The following ERC1 variants were observed in gnomAD, a reference collection of about 807,000 sequenced individuals.
ERC1 encodes ELKS/RAB6-interacting/CAST family member 1, also known as RAB6 interacting protein 2.
A neutral mutation model predicts 132.0 loss-of-function variants in ERC1; 56 were observed. That is an observed-to-expected ratio of 0.42 (90% CI 0.34 to 0.53). The LOEUF (loss-of-function observed/expected upper bound fraction) is 0.53, where lower values mean the gene tolerates loss of function less well. Among genes scored for constraint, ERC1 ranks in the 20% least tolerant of loss-of-function variants. ERC1 has a pLI of 0.03. For missense variants in ERC1, 1,202 were observed against 1,349.9 expected (o/e 0.89, Z 1.72); for synonymous variants, 478 against 476.1 (o/e 1.00, Z -0.05).
chr12:1,345,214 T>G (rs1191597187), intron 15 of ERC1, among the ~76,000 whole-genome samples: 1 of 115,532 alleles, frequency 8.7e-6, no homozygotes, highest in Non-Finnish European at 1.8e-5. Context: ...GGAGTCTCAC[T>G]CTGTCGCCCA....
chr12:1,025,794 G>GTTTTTTTTTTTTTT (rs1172351394), intron 1 of ERC1, among the ~76,000 whole-genome samples: 1 of 127,608 alleles, frequency 7.8e-6, no homozygotes, highest in African/African-American at 3.0e-5. Flanking sequence ...AAAAAGGAAA[G>GTTTTTTTTTTTTTT]TTTTTTTTTT....
chr12:1,131,255 G>A (rs998022317), intron 7 of ERC1, among the ~76,000 whole-genome samples: 15 of 152,142 alleles, frequency 9.9e-5, no homozygotes, highest in African/African-American at 3.1e-4. Context: ...GCAGTGAGAT[G>A]TGAGGAGGAG....
intron 3 of ERC1, among the ~76,000 whole-genome samples, chr12:1,103,986 C>T (rs1944958538): frequency 1.5e-5 from 2 of 132,058 alleles, no homozygotes; most frequent in Non-Finnish European, 3.3e-5. Flanking sequence ...AGCCTGTCCC[C>T]AGGGTACTTG....
chr12:1,305,921 T>G (rs1264362787), intron 15 of ERC1, among the ~76,000 whole-genome samples: 1 of 152,222 alleles, frequency 6.6e-6, no homozygotes, highest in Non-Finnish European at 1.5e-5. Context: ...AACAACAGTT[T>G]TCTGTGGAAA....
chr12:1,361,333 C>T (rs552736466), intron 15 of ERC1, among the ~76,000 whole-genome samples: 4 of 151,684 alleles, frequency 2.6e-5, no homozygotes, highest in Non-Finnish European at 4.4e-5. Flanking sequence ...GGGTGCAGCA[C>T]ACCAACAGGG....
chr12:1,259,550 G>A (rs1425898419), intron 13 of ERC1, among the ~76,000 whole-genome samples: 2 of 122,738 alleles, frequency 1.6e-5, no homozygotes, highest in Non-Finnish European at 3.3e-5. Context: ...TTGAGACGGA[G>A]TCTCACTCTG....
chr12:1,114,792 A>G (rs1946275963), intron 6 of ERC1, among the ~76,000 whole-genome samples: 2 of 152,218 alleles, frequency 1.3e-5, no homozygotes, highest in Admixed American at 6.5e-5. Context: ...GAATGAATGA[A>G]TAACTATATC....
At chr12:1,196,974 ATATTTT>A (rs1566215341) in intron 12 of ERC1, among the ~76,000 whole-genome samples, 2 of 52,134 alleles carry the variant, frequency 3.8e-5, no homozygotes, top group African/African-American at 3.2e-4. Flanking sequence ...ATATATATAT[ATATTTT>A]TTTTTTTTTT....
At chr12:1,213,587 A>G (rs533301150) in intron 12 of ERC1, among the ~76,000 whole-genome samples, 1 of 151,806 alleles carries the variant, frequency 6.6e-6, no homozygotes, top group East Asian at 1.9e-4. Context: ...AAATACAGAA[A>G]CTGCCTGGTT....
At chr12:1,389,016 G>C (rs1486208800) in intron 16 of ERC1, among the ~76,000 whole-genome samples, 1 of 152,094 alleles carries the variant, frequency 6.6e-6, no homozygotes. Flanking sequence ...GGCCTTCTTG[G>C]TCACTGTGGC....
At chr12:1,199,606 AC>A (rs1313409863) in intron 12 of ERC1, among the ~76,000 whole-genome samples, 6 of 151,924 alleles carry the variant, frequency 3.9e-5, no homozygotes, top group Non-Finnish European at 8.8e-5. Context: ...CCCTGTCTCT[AC>A]TAAAAAATAG....
intron 17 of ERC1, among the ~76,000 whole-genome samples, chr12:1,440,199 C>CTTTTTTTTTTTTTT: frequency 7.8e-6 from 1 of 128,818 alleles, no homozygotes; most frequent in Non-Finnish European, 1.6e-5. Context: ...CTTTCTTTCT[C>CTTTTTTTTTTTTTT]TTTTTTTTTT....
intron 12 of ERC1, among the ~76,000 whole-genome samples, chr12:1,229,883 G>C (rs1056449362): frequency 6.6e-6 from 1 of 151,700 alleles, no homozygotes; most frequent in Non-Finnish European, 1.5e-5. Context: ...TAAGTTGTTT[G>C]AGATCTTTAT....
chr12:1,289,334 CTGAT>C (rs1464403349), intron 14 of ERC1, among the ~76,000 whole-genome samples: 1 of 151,578 alleles, frequency 6.6e-6, no homozygotes, highest in Non-Finnish European at 1.5e-5. Context: ...AAGAAATTGT[CTGAT>C]TGAATTCTAG....
chr12:1,297,926 G>A (rs1198683240), intron 15 of ERC1, among the ~76,000 whole-genome samples: 1 of 152,068 alleles, frequency 6.6e-6, no homozygotes, highest in Non-Finnish European at 1.5e-5. Flanking sequence ...CGTTCGTGAA[G>A]TAGAAAATAT....
intron 2 of ERC1, among the ~76,000 whole-genome samples, chr12:1,032,302 G>T (rs191470328): frequency 7.0e-4 from 107 of 152,234 alleles, no homozygotes; most frequent in Non-Finnish European, 1.8e-4. Flanking sequence ...GCCTGCCTTG[G>T]CCTCCCAAAG....
intron 16 of ERC1, among the ~76,000 whole-genome samples, chr12:1,392,917 A>G (rs1442974536): frequency 6.6e-6 from 1 of 152,238 alleles, no homozygotes; most frequent in Non-Finnish European, 1.5e-5. Context: ...GCTGTGGGAA[A>G]ATTTTAACAA....
chr12:1,189,995 T>C lies in ERC1; in HGVS notation c.2294T>C (p.Leu765Ser). The C allele has an allele frequency of 6.2e-7, 1 of 1,614,050 alleles. No individual in the cohort carries two copies. Among genetic ancestry groups the C allele is most frequent in the Non-Finnish European group, 8.5e-7 (1 of 1,179,976 alleles). Residue 765 changes from leucine to serine, a missense_variant, in exon 12 of 19, where the codon TTG becomes TCG. By Grantham distance (145) the Leu-to-Ser change is moderately radical. Coordinates refer to ENST00000360905, the MANE Select transcript of ERC1 (RefSeq NM_178040.4). ...GAAGTTGATCGACTCTTAGAAATCT[T>C]GAAGGAGGTGGAAAATGAGAAGAAT... is the stretch of plus-strand genomic sequence containing the variant. The part of the protein sequence containing the change: ...QAEVDRLLEI[L>S]KEVENEKNDK...
intron 15 of ERC1, among the ~76,000 whole-genome samples, chr12:1,306,333 C>T (rs2154347669): frequency 6.6e-6 from 1 of 152,260 alleles, no homozygotes; most frequent in Non-Finnish European, 1.5e-5. Context: ...ATTAAAGGGG[C>T]TTGTTCCATG....
Sources: allele counts gnomAD v4.1 joint callset (sites outside exome capture counted in the v4.1 genomes callset), GRCh38; gene constraint gnomAD v4.1.1; transcripts MANE v1.5; gene names NCBI Gene and HGNC (gene_info 2026-07-23, HGNC 2026-07-21).